Variants in IRAK1BP1 observed in about 807,000 individuals in gnomAD.
The protein encoded by IRAK1BP1 is interleukin-1 receptor-associated kinase 1-binding protein 1.
In IRAK1BP1, 24 loss-of-function variants were observed where a neutral mutation model predicts 28.0. The observed-to-expected ratio is 0.86, with a 90% confidence interval of 0.62 to 1.20. The LOEUF is 1.20. Among genes scored for constraint, IRAK1BP1 ranks in the 50% most tolerant of loss-of-function variants. IRAK1BP1 has a pLI of 0.00. For synonymous variants in IRAK1BP1, 131 were observed against 116.3 expected (o/e 1.13, Z -0.81); for missense variants, 336 against 316.7 (o/e 1.06, Z -0.46).
intron 4 of IRAK1BP1, among the ~76,000 whole-genome samples, chr6:78,944,025 A>G (rs1773664313): frequency 6.9e-6 from 1 of 145,190 alleles, no homozygotes; most frequent in South Asian, 2.2e-4. Flanking sequence ...GAAGTGCTTG[A>G]TTCTATCTAA....
At chr6:78,932,421 C>CTTTT (rs386407659) in intron 4 of IRAK1BP1, among the ~76,000 whole-genome samples, 8 of 123,700 alleles carry the variant, frequency 6.5e-5, no homozygotes, top group Middle Eastern at 4.6e-3. Flanking sequence ...CTTTCTTTTT[C>CTTTT]TTTTTTTTTT....
intron 4 of IRAK1BP1, among the ~76,000 whole-genome samples, chr6:78,925,839 C>T (rs778827953): frequency 1.3e-5 from 2 of 152,112 alleles, no homozygotes; most frequent in Non-Finnish European, 2.9e-5. Flanking sequence ...TACATATACA[C>T]CATGGAATAC....
At chr6:78,973,998 A>C in the IRAK1BP1 span, among the ~76,000 whole-genome samples, 1 of 152,148 alleles carries the variant, frequency 6.6e-6, no homozygotes, top group African/African-American at 2.4e-5. Flanking sequence ...ATACCCAGGA[A>C]TTGAACTCAG....
At chr6:78,967,830 C>G in the IRAK1BP1 span, among the ~76,000 whole-genome samples, 1 of 152,056 alleles carries the variant, frequency 6.6e-6, no homozygotes, top group African/African-American at 2.4e-5. Flanking sequence ...GCAAATGCAA[C>G]TCCTTAAAAA....
exon 5 of IRAK1BP1, chr6:78,945,866 A>G (rs931540590): frequency 2.9e-6 from 2 of 681,794 alleles, no homozygotes; most frequent in African/African-American, 3.6e-5. Context: ...TTTTTAAAAT[A>G]GGAAATTAAT....
At chr6:78,978,570 T>A in the IRAK1BP1 span, 23 of 1,548,540 alleles carry the variant, frequency 1.5e-5, no homozygotes. Flanking sequence ...GAAAAATGGA[T>A]AATTTAAAAC....
chr6:78,873,306 T>G (rs2127665653), intron 1 of IRAK1BP1, among the ~76,000 whole-genome samples: 1 of 150,286 alleles, frequency 6.7e-6, no homozygotes, highest in South Asian at 2.1e-4. Flanking sequence ...TGTCATATAT[T>G]GCAAAAAATT....
chr6:78,972,278 C>T, the IRAK1BP1 span, among the ~76,000 whole-genome samples: 590 of 132,054 alleles, frequency 4.5e-3, no homozygotes, highest in African/African-American at 7.3e-3. Flanking sequence ...ACTGACACCT[C>T]ACACTGCAGG....
chr6:78,920,967 G>T (rs1443794921), intron 4 of IRAK1BP1, among the ~76,000 whole-genome samples: 1 of 152,146 alleles, frequency 6.6e-6, no homozygotes, highest in African/African-American at 2.4e-5. Context: ...AGCCAAATAG[G>T]AACAGCTCCG....
intron 2 of IRAK1BP1, among the ~76,000 whole-genome samples, chr6:78,890,131 G>A (rs569313659): frequency 2.0e-5 from 3 of 152,264 alleles, no homozygotes; most frequent in African/African-American, 7.2e-5. Context: ...GGACATGGAT[G>A]AAGCTGGAAA....
At chr6:78,948,499 A>AC (rs1187050540), downstream of IRAK1BP1, among the ~76,000 whole-genome samples, 1 of 151,822 alleles carries the variant, frequency 6.6e-6, no homozygotes, top group Non-Finnish European at 1.5e-5. Flanking sequence ...AGAGTATTGT[A>AC]CCCCCCCTTT....
Position 78,903,047 on chromosome 6 carries a change from T to G in IRAK1BP1, c.*4713T>G. On this transcript the variant is annotated 3_prime_UTR_variant, in exon 4 of 4. Transcript: ENST00000369940. ...ACCAACAATTACTCCCAGATAGCCA[T>G]GTCACCTGTGAATTATCATGAATCC... 1 of 1,534,016 alleles carries G rather than the reference T, an allele frequency of 6.5e-7. No homozygotes were observed. Among genetic ancestry groups the G allele is most frequent in the Non-Finnish European group, 8.7e-7 (1 of 1,145,088 alleles).
the IRAK1BP1 span, among the ~76,000 whole-genome samples, chr6:78,977,427 A>C: frequency 6.6e-6 from 1 of 152,170 alleles, no homozygotes; most frequent in African/African-American, 2.4e-5. Flanking sequence ...CTAATGCTAG[A>C]TGACGAGTTA....
At chr6:78,941,457 G>A in intron 4 of IRAK1BP1, 2 of 569,208 alleles carry the variant, frequency 3.5e-6, no homozygotes, top group Non-Finnish European at 5.9e-6. Flanking sequence ...TTATTAAAAT[G>A]AGAAAAAAGA....
intron 4 of IRAK1BP1, among the ~76,000 whole-genome samples, chr6:78,942,009 G>T (rs1773526998): frequency 6.6e-6 from 1 of 151,464 alleles, no homozygotes; most frequent in African/African-American, 2.4e-5. Context: ...TATGCCACAG[G>T]AACTACCAGT....
At chr6:78,904,074 C>G (rs957915266), downstream of IRAK1BP1, among the ~76,000 whole-genome samples, 1 of 152,130 alleles carries the variant, frequency 6.6e-6, no homozygotes. Context: ...AAGACAGATA[C>G]TGTTTATGGC....
the IRAK1BP1 span, among the ~76,000 whole-genome samples, chr6:78,979,369 C>G: frequency 6.6e-6 from 1 of 152,032 alleles, no homozygotes; most frequent in Non-Finnish European, 1.5e-5. Flanking sequence ...TTCTCCTTTC[C>G]TTTCAAAATG....
chr6:78,931,452 A>T (rs1353164319), intron 4 of IRAK1BP1, among the ~76,000 whole-genome samples: 1 of 152,302 alleles, frequency 6.6e-6, no homozygotes, highest in South Asian at 2.1e-4. Context: ...CACTAAAATT[A>T]TCTTGGAGAT....
chr6:78,928,187 A>G (rs2127669101), intron 4 of IRAK1BP1, among the ~76,000 whole-genome samples: 1 of 152,140 alleles, frequency 6.6e-6, no homozygotes, highest in East Asian at 1.9e-4. Context: ...GTTCTTTTCA[A>G]TATCTTTCAC....
Sources: gnomAD v4.1 joint callset for allele counts (sites outside exome capture counted in the v4.1 genomes callset) on GRCh38, gnomAD v4.1.1 for gene constraint, MANE v1.5 for transcripts, NCBI Gene and HGNC (gene_info 2026-07-23, HGNC 2026-07-21) for gene names.